Variants in CLASP1 observed in about 807,000 individuals in gnomAD.
CLASP1 encodes CLIP-associating protein 1.
CLASP1 carries 38 observed loss-of-function variants against 192.3 expected under a neutral mutation model. The ratio of observed to expected loss-of-function variants is 0.20; its 90% CI spans 0.15 to 0.26. The LOEUF (loss-of-function observed/expected upper bound fraction) is 0.26, where lower values mean the gene tolerates loss of function less well. Ranked by LOEUF, CLASP1 falls within the 10% of genes least tolerant of loss-of-function variation. The pLI is 1.00. For synonymous variants in CLASP1, 691 were observed against 712.8 expected, an observed-to-expected ratio of 0.97 and a Z score of 0.49; for missense variants, 1,433 against 1,932.5, an observed-to-expected ratio of 0.74 and a Z score of 4.85.
At chr2:121,367,138 A>C (rs548768923) in intron 35 of CLASP1, among the ~76,000 whole-genome samples, 1 of 152,196 alleles carries the variant, frequency 6.6e-6, no homozygotes, top group Non-Finnish European at 1.5e-5. Flanking sequence ...AGGAGAGGGA[A>C]GCCTCAGAGC....
intron 8 of CLASP1, among the ~76,000 whole-genome samples, chr2:121,478,696 C>G (rs2092020895): frequency 1.3e-5 from 1 of 76,828 alleles, no homozygotes; most frequent in African/African-American, 4.8e-5. Context: ...CCCACACACA[C>G]AACCACACCC....
intron 2 of CLASP1, among the ~76,000 whole-genome samples, chr2:121,597,111 T>C (rs1396429165): frequency 6.6e-6 from 1 of 152,224 alleles, no homozygotes; most frequent in Non-Finnish European, 1.5e-5. Flanking sequence ...CATACGTGTT[T>C]AATTAACTCT....
rs2094575947 is a variant in CLASP1 at position 121,526,441 on chromosome 2, A to T, written c.471-521T>A. Among the ~76,000 whole-genome samples the T allele has an allele frequency of 2.0e-5, 3 of 152,170 alleles. No homozygotes were observed. In the South Asian group the frequency reaches 6.2e-4, roughly 32 times the overall value. On this transcript the variant is annotated intron_variant, in intron 5 of 39. Transcript: ENST00000263710. ...GGGGCACATTTGAGTTACAATTTTC[A>T]CCATCACCATCCCTGTCATGACAAA...
At chr2:121,531,183 C>T (rs988699117) in intron 2 of CLASP1, among the ~76,000 whole-genome samples, 1 of 152,060 alleles carries the variant, frequency 6.6e-6, no homozygotes, top group Non-Finnish European at 1.5e-5. Flanking sequence ...GAACTTCACC[C>T]CTTTAACTTT....
intron 8 of CLASP1, chr2:121,490,445 G>T: frequency 4.2e-6 from 1 of 237,884 alleles, no homozygotes. Flanking sequence ...TAAAAGCCTA[G>T]ACTAACAATG....
intron 33 of CLASP1, among the ~76,000 whole-genome samples, chr2:121,379,224 A>G (rs1313839910): frequency 1.3e-5 from 2 of 152,170 alleles, no homozygotes; most frequent in Admixed American, 1.3e-4. Context: ...ACAAAAAAAA[A>G]AAAAAAATTC....
At chr2:121,622,548 G>A (rs1372378394) in intron 1 of CLASP1, among the ~76,000 whole-genome samples, 1 of 148,436 alleles carries the variant, frequency 6.7e-6, no homozygotes, top group Non-Finnish European at 1.5e-5. Flanking sequence ...CAGCGTGGGC[G>A]ACGAGTGAGA....
intron 2 of CLASP1, among the ~76,000 whole-genome samples, chr2:121,537,379 A>G (rs1201149237): frequency 2.0e-5 from 3 of 151,760 alleles, no homozygotes; most frequent in Non-Finnish European, 2.9e-5. Flanking sequence ...GTGACAGATC[A>G]AGATCCTGTG....
intron 30 of CLASP1, among the ~76,000 whole-genome samples, chr2:121,396,752 G>A (rs2075343014): frequency 6.6e-6 from 1 of 152,026 alleles, no homozygotes; most frequent in Non-Finnish European, 1.5e-5. Flanking sequence ...CATCTATTAC[G>A]TCTTATCAAA....
intron 1 of CLASP1, among the ~76,000 whole-genome samples, chr2:121,615,157 T>G (rs2066243296): frequency 6.6e-6 from 1 of 151,838 alleles, no homozygotes; most frequent in African/African-American, 2.4e-5. Context: ...CTGGCCAACA[T>G]GGCAAAACCC....
At chr2:121,497,913 G>C (rs1196575701) in intron 8 of CLASP1, among the ~76,000 whole-genome samples, 1 of 152,146 alleles carries the variant, frequency 6.6e-6, no homozygotes, top group East Asian at 1.9e-4. Context: ...TTTTAGTAGA[G>C]ATGGGGCTTC....
At chr2:121,530,830 C>G (rs1328378643) in intron 2 of CLASP1, 6 of 658,818 alleles carry the variant, frequency 9.1e-6, no homozygotes, top group Middle Eastern at 3.9e-4. Context: ...TTACCACAAC[C>G]CTACCAGGTA....
intron 8 of CLASP1, among the ~76,000 whole-genome samples, chr2:121,484,649 A>G (rs1408741264): frequency 6.6e-6 from 1 of 152,198 alleles, no homozygotes; most frequent in Non-Finnish European, 1.5e-5. Context: ...GAAACAATGG[A>G]AAGATACAAG....
intron 8 of CLASP1, among the ~76,000 whole-genome samples, chr2:121,483,464 GTGTGTGTATATATGTATGTATATATATA>G (rs1170953806): frequency 6.6e-6 from 1 of 151,870 alleles, no homozygotes; most frequent in African/African-American, 2.4e-5. Flanking sequence ...ATATGTGTGT[GTGTGTGTATATATGTATGTATATATATA>G]TGTGTGTATA....
chr2:121,584,666 C>T (rs953072631), intron 2 of CLASP1, among the ~76,000 whole-genome samples: 1 of 152,030 alleles, frequency 6.6e-6, no homozygotes, highest in Non-Finnish European at 1.5e-5. Flanking sequence ...CACTCTGTCA[C>T]CCAGGTGGGA....
chr2:121,612,720 G>A (rs575478059), intron 1 of CLASP1, among the ~76,000 whole-genome samples: 6 of 152,296 alleles, frequency 3.9e-5, no homozygotes, highest in African/African-American at 9.6e-5. Flanking sequence ...CTATGCCTGA[G>A]CTAAGTAAAA....
At chr2:121,420,956 C>A (rs937314077) in intron 22 of CLASP1, among the ~76,000 whole-genome samples, 2 of 152,236 alleles carry the variant, frequency 1.3e-5, no homozygotes, top group Admixed American at 1.3e-4. Context: ...GGTTTACCCC[C>A]CTCCGGTATT....
chr2:121,598,905 G>A (rs1162224086), intron 2 of CLASP1, among the ~76,000 whole-genome samples: 1 of 151,968 alleles, frequency 6.6e-6, no homozygotes, highest in African/African-American at 2.4e-5. Flanking sequence ...TCACTCTATT[G>A]CCCAGGCTAG....
chr2:121,443,868 A>G (rs966271079), intron 19 of CLASP1, among the ~76,000 whole-genome samples: 1 of 152,170 alleles, frequency 6.6e-6, no homozygotes, highest in Non-Finnish European at 1.5e-5. Context: ...TCTTTCTTTT[A>G]TGAGTCCCTT....
Sources: allele counts gnomAD v4.1 joint callset (sites outside exome capture counted in the v4.1 genomes callset), GRCh38; gene constraint gnomAD v4.1.1; transcripts MANE v1.5; gene names NCBI Gene and HGNC (gene_info 2026-07-23, HGNC 2026-07-21).